LYST: variants seen among roughly 807,000 people sequenced by gnomAD.
LYST encodes the protein lysosomal trafficking regulator.
LYST carries 192 observed loss-of-function variants against 413.6 expected under a neutral mutation model. The observed-to-expected ratio is 0.46, with a 90% CI of 0.41 to 0.52. The LOEUF (loss-of-function observed/expected upper bound fraction) is 0.52, where lower values mean the gene tolerates loss of function less well. Ranked by LOEUF, LYST falls within the 20% of genes least tolerant of loss-of-function variation. The probability of loss-of-function intolerance (pLI) is 0.00; values close to 1 mark genes in which losing one functional copy is unlikely to be tolerated. For missense variants in LYST, 3,815 were observed against 4,499.9 expected (o/e 0.85, Z 4.35); for synonymous variants, 1,525 against 1,567.3 (o/e 0.97, Z 0.64).
At position 235,685,702 on chromosome 1, in the gene LYST, C is replaced by T. The variant is rs572598890; in HGVS notation, c.10800+1247G>A. Among the ~76,000 whole-genome samples the T allele has an allele frequency of 4.6e-5, 7 of 151,702 alleles. No homozygotes were observed. In the East Asian group the frequency reaches 9.8e-4, roughly 21 times the overall value. ...CTCTACTAAAAATACAAAAATTAGC[C>T]GGGTGTGGTGGTGTGCGCCTGTAAT... On this transcript the variant is annotated intron_variant, in intron 48 of 52. Coordinates refer to ENST00000389793, the MANE Select transcript of LYST (RefSeq NM_000081.4).
intron 50 of LYST, among the ~76,000 whole-genome samples, chr1:235,665,939 G>A (rs1658414740): frequency 6.6e-6 from 1 of 152,032 alleles, no homozygotes; most frequent in South Asian, 2.1e-4. Flanking sequence ...GCGGTTAGGA[G>A]GCACGATAAA....
At chr1:235,743,274 TAAAA>T (rs1665595195) in intron 30 of LYST, among the ~76,000 whole-genome samples, 1 of 152,196 alleles carries the variant, frequency 6.6e-6, no homozygotes, top group Non-Finnish European at 1.5e-5. Flanking sequence ...TTCTGAGTTT[TAAAA>T]ACAGCTCCTC....
intron 42 of LYST, chr1:235,712,669 T>C: frequency 1.0e-6 from 1 of 985,372 alleles, no homozygotes; most frequent in South Asian, 4.7e-5. Flanking sequence ...CTTTTTCTCC[T>C]TTCTTTTCTT....
At chr1:235,818,105 T>C (rs1674373374) in intron 3 of LYST, among the ~76,000 whole-genome samples, 1 of 152,196 alleles carries the variant, frequency 6.6e-6, no homozygotes, top group Non-Finnish European at 1.5e-5. Context: ...TTAACTTTAA[T>C]CATTTCATGA....
intron 48 of LYST, among the ~76,000 whole-genome samples, chr1:235,682,739 A>T (rs1173399635): frequency 6.6e-6 from 1 of 152,268 alleles, no homozygotes; most frequent in East Asian, 1.9e-4. Flanking sequence ...CAAAGTAAGC[A>T]GTCAGTAAAT....
intron 10 of LYST, among the ~76,000 whole-genome samples, chr1:235,794,302 C>T (rs775258933): frequency 6.6e-5 from 10 of 152,010 alleles, no homozygotes; most frequent in African/African-American, 2.2e-4. Context: ...TTTTTAAGTA[C>T]GAAATTAGAT....
intron 1 of LYST, among the ~76,000 whole-genome samples, chr1:235,865,724 G>C (rs1032900570): frequency 1.3e-5 from 2 of 152,198 alleles, no homozygotes; most frequent in African/African-American, 4.8e-5. Flanking sequence ...AAAGCTTAAA[G>C]TCAACATCTT....
At position 235,801,114 on chromosome 1, in the gene LYST, G is replaced by C; in HGVS notation, c.3713-17C>G. The C allele has an allele frequency of 1.4e-6, 2 of 1,448,662 alleles. No individual in the cohort carries two copies. The highest frequency in any genetic ancestry group is 1.9e-6 in the Non-Finnish European group (2 of 1,030,914). 89.7% of individuals were successfully genotyped at this position (1,448,662 alleles called of 1,614,324 possible). A position where few individuals can be genotyped will look rare whatever the true frequency, so the allele number is the denominator to read the frequency against. ...AGTCTACCCCTGAAAAGAGAAAAGCGAAAGATTACTTGTATTCCCTAAACA... is the reference window on the plus strand; with the variant it reads ...AGTCTACCCCTGAAAAGAGAAAAGCCAAAGATTACTTGTATTCCCTAAACA... On this transcript the variant is annotated splice_polypyrimidine_tract_variant and intron_variant, in intron 8 of 52. Transcript: ENST00000389793.
chr1:235,806,751 C>T lies in LYST; in HGVS notation c.2385G>A (p.Leu795=). 6.2e-7 allele frequency: 1 copy of T among 1,611,740 alleles called. No homozygotes were observed. Among genetic ancestry groups the T allele is most frequent in the Non-Finnish European group, 8.5e-7 (1 of 1,178,180 alleles). ...LKSRVIRDLF[L]SCNGVSQIIE... is the part of the protein sequence containing the mutation. ...TTATTTGACTTACTCCATTACAACTCAAAAACAAATCTCTTATTACCCTGT... is the reference window on the plus strand; with the variant it reads ...TTATTTGACTTACTCCATTACAACTTAAAAACAAATCTCTTATTACCCTGT... The change falls in exon 6 of 53, where the codon TTG becomes TTA. Residue 795 remains leucine, a synonymous_variant. Coordinates refer to ENST00000389793, the MANE Select transcript of LYST (RefSeq NM_000081.4).
intron 44 of LYST, among the ~76,000 whole-genome samples, chr1:235,705,545 C>T (rs1661907202): frequency 1.3e-5 from 2 of 151,890 alleles, no homozygotes; most frequent in East Asian, 3.9e-4. Flanking sequence ...GCCACCATGC[C>T]CAGCTAATTT....
intron 3 of LYST, chr1:235,828,785 T>C: frequency 1.2e-6 from 1 of 815,770 alleles, no homozygotes; most frequent in Non-Finnish European, 1.5e-6. Context: ...TCAAAATAAA[T>C]CACTATACAT....
rs373585443 is a variant in LYST, at chr1:235,857,523, CAAAG to C, written c.-98+9316_-98+9319del. 9.2e-5 allele frequency among the ~76,000 whole-genome samples: 14 copies of C among 151,684 alleles called. 1 individual carries two copies. In the East Asian group the frequency reaches 1.7e-3, roughly 19 times the overall value. On this transcript the variant is annotated intron_variant, in intron 1 of 52. Transcript: ENST00000389793. ...TAGATGAGATCATCAAAGGAAAGCA[CAAAG>C]AAAGAGAAATGAGGAGGAGGAGAGA...
intron 1 of LYST, among the ~76,000 whole-genome samples, chr1:235,876,868 A>T (rs1681162996): frequency 1.3e-5 from 2 of 152,226 alleles, no homozygotes; most frequent in South Asian, 4.1e-4. Flanking sequence ...GGTACGAGTT[A>T]TACGGGTCCT....
In LYST at chr1:235,782,211, C is replaced by T. The variant is rs1336339089; in HGVS notation, c.4863-124G>A. The T allele has an allele frequency of 6.1e-6, 5 of 825,448 alleles. No homozygotes were observed. In the East Asian group the frequency reaches 1.1e-4, roughly 19 times the overall value. The allele number at this position is 825,448 out of a possible 1,614,324, so 51.1% of individuals were successfully genotyped here. On this transcript the variant is annotated intron_variant, in intron 14 of 52. Coordinates refer to ENST00000389793, the MANE Select transcript of LYST (RefSeq NM_000081.4). ...TTTTTTTTTTGGAGACAGAGTCTCG[C>T]TCTGTTGCCCAGGTTGGCACGATCT...
chr1:235,739,880 A>C (rs1308910924), intron 31 of LYST, among the ~76,000 whole-genome samples: 4 of 152,218 alleles, frequency 2.6e-5, no homozygotes, highest in Non-Finnish European at 4.4e-5. Flanking sequence ...AGAAAAAGTC[A>C]ACGACAACCA....
intron 50 of LYST, among the ~76,000 whole-genome samples, chr1:235,665,768 T>C (rs1256192201): frequency 6.6e-6 from 1 of 152,164 alleles, no homozygotes; most frequent in East Asian, 1.9e-4. Flanking sequence ...ACCTTATTAA[T>C]TTTTTCTTTT....
intron 45 of LYST, among the ~76,000 whole-genome samples, chr1:235,700,924 A>G (rs1661496799): frequency 6.6e-6 from 1 of 152,242 alleles, no homozygotes; most frequent in African/African-American, 2.4e-5. Context: ...TACATATACA[A>G]TATGTCAGGT....
chr1:235,817,284 G>C (rs1442918854), intron 3 of LYST, among the ~76,000 whole-genome samples: 1 of 152,106 alleles, frequency 6.6e-6, no homozygotes. Context: ...GGGAACGTAA[G>C]TTAGTTCAGC....
intron 1 of LYST, among the ~76,000 whole-genome samples, chr1:235,860,618 C>T (rs528111130): frequency 4.0e-4 from 61 of 152,312 alleles, no homozygotes; most frequent in African/African-American, 1.2e-3. Context: ...CCTTTTTTCA[C>T]TTAGTGATAT....
Sources: allele counts gnomAD v4.1 joint callset (sites outside exome capture counted in the v4.1 genomes callset), GRCh38; gene constraint gnomAD v4.1.1; transcripts MANE v1.5; gene names NCBI Gene and HGNC (gene_info 2026-07-23, HGNC 2026-07-21).